LRRC75A: variants seen among roughly 807,000 people sequenced by gnomAD.
LRRC75A encodes leucine rich repeat containing 75A.
A neutral mutation model predicts 26.0 loss-of-function variants in LRRC75A; 12 were observed. The ratio of observed to expected loss-of-function variants is 0.46; its 90% CI spans 0.30 to 0.75. The LOEUF is 0.75. Ranked by LOEUF, LRRC75A falls within the 30% of genes least tolerant of loss-of-function variation. The pLI, the probability that LRRC75A is intolerant of heterozygous loss-of-function variation, is 0.08. For synonymous variants in LRRC75A, 223 were observed against 219.3 expected (o/e 1.02, Z -0.15); for missense variants, 410 against 486.6 (o/e 0.84, Z 1.48).
chr17:16,445,933 G>A (rs927454496), intron 3 of LRRC75A, among the ~76,000 whole-genome samples: 4 of 152,138 alleles, frequency 2.6e-5, no homozygotes, highest in African/African-American at 9.7e-5. Flanking sequence ...CTTGGAGATG[G>A]AGTCTCACTC....
At chr17:16,464,779 G>A (rs954359230) in intron 1 of LRRC75A, among the ~76,000 whole-genome samples, 2 of 152,038 alleles carry the variant, frequency 1.3e-5, no homozygotes, top group African/African-American at 4.8e-5. Context: ...TGGACACGAG[G>A]GACCCCGGGA....
intron 1 of LRRC75A, among the ~76,000 whole-genome samples, chr17:16,472,936 A>G (rs2093811038): frequency 6.6e-6 from 1 of 152,226 alleles, no homozygotes; most frequent in Non-Finnish European, 1.5e-5. Context: ...ATAAAGTTAC[A>G]TCAAGATATT....
chr17:16,462,697 G>A lies in LRRC75A; in HGVS notation c.247-311C>T, dbSNP rs1015195716. On this transcript the variant is annotated intron_variant, in intron 1 of 3. Transcript: ENST00000470794. The surrounding 1 kb of genome is among the most constrained non-coding windows in gnomAD (Gnocchi z 4.6). The stretch of plus-strand genomic sequence containing the variant: ...TTTCCAGAGGAGGAAGCCAAGGGTG[G>A]CCTGCCTCGGTGCAAGCAGCTGCTT... 9 of 333,066 alleles carry A rather than the reference G, an allele frequency of 2.7e-5. No homozygotes were observed. The highest frequency in any genetic ancestry group is 4.4e-5 in the Non-Finnish European group (8 of 181,120). 20.6% of individuals were successfully genotyped at this position (333,066 alleles called of 1,614,324 possible). A position where few individuals can be genotyped will look rare whatever the true frequency, so the allele number is the denominator to read the frequency against.
intron 2 of LRRC75A, among the ~76,000 whole-genome samples, chr17:16,460,665 G>A (rs541664550): frequency 3.3e-5 from 5 of 152,342 alleles, no homozygotes; most frequent in Admixed American, 6.5e-5. Flanking sequence ...GGTTCTCCTC[G>A]GAGGTGTAAC....
chr17:16,443,552 A>C lies in LRRC75A; in HGVS notation c.*36T>G. ...CCTGCCTGCCTTGCCCATTCTACCC[A>C]ACAAGGACTCCCTGGTGAGGCCCTT... On this transcript the variant is annotated 3_prime_UTR_variant, in exon 4 of 4. Transcript: ENST00000470794. 1 of 1,471,902 alleles carries C rather than the reference A, an allele frequency of 6.8e-7. No homozygotes were observed. The highest frequency in any genetic ancestry group is 9.1e-7 in the Non-Finnish European group (1 of 1,103,878). 91.2% of individuals were successfully genotyped at this position (1,471,902 alleles called of 1,614,324 possible). A position where few individuals can be genotyped will look rare whatever the true frequency, so the allele number is the denominator to read the frequency against.
intron 1 of LRRC75A, among the ~76,000 whole-genome samples, chr17:16,489,453 T>C (rs2093853055): frequency 6.6e-6 from 1 of 152,186 alleles, no homozygotes; most frequent in Non-Finnish European, 1.5e-5. Context: ...GTGAGGCTTG[T>C]GTGTTCTCAA....
chr17:16,487,763 T>A (rs1276075100), intron 1 of LRRC75A, among the ~76,000 whole-genome samples: 1 of 152,220 alleles, frequency 6.6e-6, no homozygotes, highest in Non-Finnish European at 1.5e-5. Context: ...TTAGCTGATG[T>A]GGTTCCTGTT....
chr17:16,445,230 A>C (rs1376721754), intron 3 of LRRC75A, among the ~76,000 whole-genome samples: 2 of 125,850 alleles, frequency 1.6e-5, no homozygotes, highest in Admixed American at 2.1e-4. Flanking sequence ...CAGTGGCGCC[A>C]TTTCTGCTCA....
chr17:16,462,189 C>A lies in LRRC75A; in HGVS notation c.375+69G>T. 1 of 1,585,230 alleles carries A rather than the reference C, an allele frequency of 6.3e-7. No homozygotes were observed. The highest frequency in any genetic ancestry group is 8.6e-7 in the Non-Finnish European group (1 of 1,163,184). On this transcript the variant is annotated intron_variant, in intron 2 of 3. Transcript: ENST00000470794. This position sits in a 1 kb window ranked among gnomAD's most constrained non-coding sequence, Gnocchi z 4.6. ...CTGCCAGTCCTCCTTGGGCATACAGCTGCTCTGCCCAGAAAGGCACCCACC... is the reference window on the plus strand; with the variant it reads ...CTGCCAGTCCTCCTTGGGCATACAGATGCTCTGCCCAGAAAGGCACCCACC...
intron 2 of LRRC75A, among the ~76,000 whole-genome samples, chr17:16,455,038 T>C (rs1489653484): frequency 6.6e-6 from 1 of 151,986 alleles, no homozygotes; most frequent in Non-Finnish European, 1.5e-5. Flanking sequence ...GTTCAAGTGA[T>C]TCTCCTGGCT....
chr17:16,478,825 C>A (rs2093827040), intron 1 of LRRC75A: 1 of 152,198 alleles, frequency 6.6e-6, no homozygotes, highest in African/African-American at 2.4e-5. Context: ...CGCCACAATG[C>A]CAGAAGGCTG....
chr17:16,449,342 C>T (rs530701208), intron 2 of LRRC75A, among the ~76,000 whole-genome samples: 154 of 152,290 alleles, frequency 1.0e-3, no homozygotes, highest in Admixed American at 1.8e-3. Context: ...CTGGCTTTGT[C>T]CCGTTCTGTG....
chr17:16,446,151 C>T (rs952907027), intron 3 of LRRC75A, among the ~76,000 whole-genome samples: 2 of 152,092 alleles, frequency 1.3e-5, no homozygotes, highest in African/African-American at 2.4e-5. Context: ...TCAGGTGATC[C>T]GCCCATCTGG....
At chr17:16,456,325 A>AGGAGG (rs2093683206) in intron 2 of LRRC75A, among the ~76,000 whole-genome samples, 2 of 76,038 alleles carry the variant, frequency 2.6e-5, no homozygotes, top group Non-Finnish European at 5.3e-5. Context: ...AGAGGAGAAG[A>AGGAGG]AGGAAGAGGA....
intron 1 of LRRC75A, among the ~76,000 whole-genome samples, chr17:16,465,438 A>G (rs7215641): frequency 0.28 from 42,934 of 152,198 alleles, 6,600 homozygotes; most frequent in Middle Eastern, 0.43. Flanking sequence ...GCTGACGGTC[A>G]GGGGCTGCGG....
At chr17:16,458,354 T>G (rs1372611968) in intron 2 of LRRC75A, among the ~76,000 whole-genome samples, 1 of 152,104 alleles carries the variant, frequency 6.6e-6, no homozygotes, top group Non-Finnish European at 1.5e-5. Context: ...GCATTATGGC[T>G]TCTATATTAT....
chr17:16,457,084 AC>A (rs1317757909), intron 2 of LRRC75A, among the ~76,000 whole-genome samples: 1 of 151,486 alleles, frequency 6.6e-6, no homozygotes, highest in Non-Finnish European at 1.5e-5. Context: ...GGGTACCAGC[AC>A]CCGACACTGC....
At chr17:16,485,039 G>A (rs1050807646) in intron 1 of LRRC75A, among the ~76,000 whole-genome samples, 1 of 151,910 alleles carries the variant, frequency 6.6e-6, no homozygotes, top group African/African-American at 2.4e-5. Context: ...TGGGGGTAGG[G>A]AGGAGAGCAG....
chr17:16,492,071 G>A lies in LRRC75A; in HGVS notation c.-81C>T. On this transcript the variant is annotated 5_prime_UTR_variant, in exon 1 of 4. Transcript: ENST00000470794. ...AACCGCCCGCCCCTCGGCCGCCCGTGCGCGCTCGCCTCCCGGGCTGCAACT... is the reference window on the plus strand; with the variant it reads ...AACCGCCCGCCCCTCGGCCGCCCGTACGCGCTCGCCTCCCGGGCTGCAACT... 1 of 1,054,192 alleles carries A rather than the reference G, an allele frequency of 9.5e-7. No individual in the cohort carries two copies. Among genetic ancestry groups the A allele is most frequent in the Non-Finnish European group, 1.1e-6 (1 of 875,942 alleles). The allele number at this position is 1,054,192 out of a possible 1,614,324, so 65.3% of individuals were successfully genotyped here.
Sources: gnomAD v4.1 joint callset for allele counts (sites outside exome capture counted in the v4.1 genomes callset) on GRCh38, gnomAD v4.1.1 for gene constraint, Gnocchi (gnomAD v3.1) non-coding constraint, MANE v1.5 for transcripts, NCBI Gene and HGNC (gene_info 2026-07-23, HGNC 2026-07-21) for gene names.